Variants in MTCL2 observed in about 807,000 individuals in gnomAD.
MTCL2 encodes the protein microtubule cross-linking factor 2.
chr20:36,858,093 T>C, the MTCL2 span, among the ~76,000 whole-genome samples: 1 of 152,042 alleles, frequency 6.6e-6, no homozygotes, highest in Admixed American at 6.6e-5. Flanking sequence ...ACACGCTAGT[T>C]AACAACCAAA....
the MTCL2 span, among the ~76,000 whole-genome samples, chr20:36,814,840 T>C: frequency 3.3e-5 from 5 of 152,132 alleles, no homozygotes; most frequent in African/African-American, 7.2e-5. Flanking sequence ...TGAGCCGAGA[T>C]TGCGCCACTG....
chr20:36,861,645 T>C, the MTCL2 span, among the ~76,000 whole-genome samples: 1 of 152,202 alleles, frequency 6.6e-6, no homozygotes, highest in Non-Finnish European at 1.5e-5. Context: ...CATCATCCAC[T>C]GACAAGAGTC....
the MTCL2 span, chr20:36,783,809 C>T: frequency 2.0e-6 from 2 of 985,172 alleles, no homozygotes; most frequent in African/African-American, 3.5e-5. Context: ...TTTTACAAAC[C>T]AATCCCCCCA....
At chr20:36,856,928 CTACATG>C in the MTCL2 span, among the ~76,000 whole-genome samples, 10 of 152,156 alleles carry the variant, frequency 6.6e-5, no homozygotes, top group Non-Finnish European at 1.3e-4. Context: ...TGGGCAAATG[CTACATG>C]CCTAATGTTT....
At chr20:36,781,748 T>TA in the MTCL2 span, 2 of 151,424 alleles carry the variant, frequency 1.3e-5, no homozygotes, top group African/African-American at 4.8e-5. Flanking sequence ...TAAAAAAACT[T>TA]AAAAAAAGAA....
chr20:36,797,475 T>C, the MTCL2 span: 1 of 1,551,450 alleles, frequency 6.4e-7, no homozygotes, highest in Non-Finnish European at 8.7e-7. Flanking sequence ...GGAGCCAAGA[T>C]AGCATGGCAG....
the MTCL2 span, chr20:36,777,619 G>A: frequency 2.2e-6 from 1 of 464,566 alleles, no homozygotes; most frequent in Non-Finnish European, 3.9e-6. Context: ...TTTGAAGACA[G>A]AAGTGGAAAG....
At chr20:36,804,073 A>T in the MTCL2 span, among the ~76,000 whole-genome samples, 3 of 151,272 alleles carry the variant, frequency 2.0e-5, no homozygotes, top group Non-Finnish European at 4.4e-5. Flanking sequence ...ACCTTGGGAG[A>T]TAAATTTAAC....
chr20:36,839,824 C>G, the MTCL2 span, among the ~76,000 whole-genome samples: 1 of 152,164 alleles, frequency 6.6e-6, no homozygotes, highest in Admixed American at 6.5e-5. This position sits in a 1 kb window ranked among gnomAD's most constrained non-coding sequence, Gnocchi z 5.1. Flanking sequence ...ATTTCTAGAC[C>G]TTTGACCTCC....
chr20:36,813,085 T>G, the MTCL2 span, among the ~76,000 whole-genome samples: 1 of 152,180 alleles, frequency 6.6e-6, no homozygotes, highest in African/African-American at 2.4e-5. Context: ...GAAGTGATTT[T>G]CTGAATGTGT....
At chr20:36,786,734 C>G in the MTCL2 span, 1 of 1,203,602 alleles carries the variant, frequency 8.3e-7, no homozygotes, top group Non-Finnish European at 1.1e-6. Flanking sequence ...AACTGAGACT[C>G]GGCCATAAAC....
the MTCL2 span, among the ~76,000 whole-genome samples, chr20:36,799,070 A>G: frequency 6.6e-6 from 1 of 152,154 alleles, no homozygotes; most frequent in African/African-American, 2.4e-5. Context: ...TGAAAATAAC[A>G]CTAGGCCAGG....
At chr20:36,794,661 G>A in the MTCL2 span, 1 of 1,607,160 alleles carries the variant, frequency 6.2e-7, no homozygotes, top group African/African-American at 1.3e-5. The surrounding 1 kb of genome is among the most constrained non-coding windows in gnomAD (Gnocchi z 5.4). Context: ...GCACACTCTG[G>A]TCTACCACCC....
the MTCL2 span, among the ~76,000 whole-genome samples, chr20:36,838,905 G>A: frequency 6.6e-5 from 10 of 151,926 alleles, no homozygotes; most frequent in African/African-American, 2.4e-4. Context: ...GGAGGCAGAA[G>A]TTGCAGTGAG....
chr20:36,863,072 G>C, the MTCL2 span: 1 of 1,403,552 alleles, frequency 7.1e-7, no homozygotes, highest in South Asian at 1.4e-5. The surrounding 1 kb of genome is among the most constrained non-coding windows in gnomAD (Gnocchi z 6.2). Context: ...CCCCGGTGCG[G>C]ACCCCGGCCA....
At chr20:36,846,744 C>T in the MTCL2 span, among the ~76,000 whole-genome samples, 15 of 152,198 alleles carry the variant, frequency 9.9e-5, no homozygotes, top group African/African-American at 2.9e-4. Flanking sequence ...CGGCGGCTCA[C>T]GCCTGTAATC....
chr20:36,808,506 A>G, the MTCL2 span: 9 of 1,579,866 alleles, frequency 5.7e-6, no homozygotes, highest in South Asian at 2.3e-5. Context: ...CCCTGGCCCA[A>G]TCTTACCTCG....
the MTCL2 span, among the ~76,000 whole-genome samples, chr20:36,806,768 C>A: frequency 6.6e-6 from 1 of 152,168 alleles, no homozygotes; most frequent in Admixed American, 6.5e-5. Flanking sequence ...GATCTGCCCA[C>A]CTTAACCTCC....
At chr20:36,815,925 C>T in the MTCL2 span, 2 of 1,612,332 alleles carry the variant, frequency 1.2e-6, no homozygotes, top group Non-Finnish European at 1.7e-6. The surrounding 1 kb of genome is among the most constrained non-coding windows in gnomAD (Gnocchi z 5.3). Flanking sequence ...CAAGCTCTCC[C>T]CGCACTCTCC....
Sources: allele counts gnomAD v4.1 joint callset (sites outside exome capture counted in the v4.1 genomes callset), GRCh38; gene constraint gnomAD v4.1.1; non-coding constraint Gnocchi (gnomAD v3.1); transcripts MANE v1.5; gene names NCBI Gene and HGNC (gene_info 2026-07-23, HGNC 2026-07-21).